Variants in MCC observed in about 807,000 individuals in gnomAD.
MCC encodes MCC regulator of Wnt signaling pathway.
Under a neutral mutation model 116.2 loss-of-function variants are expected in MCC, and 90 were observed. The observed-to-expected ratio is 0.77, with a 90% CI of 0.65 to 0.92. The LOEUF (loss-of-function observed/expected upper bound fraction) is 0.92. Ranked by LOEUF, MCC falls within the 40% of genes least tolerant of loss-of-function variation. The pLI is 0.00. For missense variants in MCC, 1,516 were observed against 1,312.2 expected (o/e 1.16, Z -2.40); for synonymous variants, 578 against 510.5 (o/e 1.13, Z -1.78).
At chr5:113,449,898 T>C (rs1045844008) in intron 1 of MCC, among the ~76,000 whole-genome samples, 2 of 152,256 alleles carry the variant, frequency 1.3e-5, no homozygotes, top group Non-Finnish European at 2.9e-5. Flanking sequence ...TTTATAGTCC[T>C]ATGTAGGTGA....
At chr5:113,089,527 G>A (rs1032652842) in intron 8 of MCC, among the ~76,000 whole-genome samples, 10 of 152,204 alleles carry the variant, frequency 6.6e-5, no homozygotes, top group Admixed American at 4.6e-4. Context: ...TACAGTCAGC[G>A]AAGTGGGAAT....
At chr5:113,341,142 A>C (rs564230294) in intron 2 of MCC, among the ~76,000 whole-genome samples, 1 of 152,238 alleles carries the variant, frequency 6.6e-6, no homozygotes, top group South Asian at 2.1e-4. Flanking sequence ...AACATATGGC[A>C]CTTTATCATG....
chr5:113,053,844 T>C lies in MCC; in HGVS notation c.2329A>G (p.Met777Val), dbSNP rs749208218. Residue 777 changes from methionine (M) to valine (V), a missense_variant, in exon 15 of 19, where the codon ATG becomes GTG. Met to Val is a conservative substitution (Grantham distance 21). Coordinates refer to ENST00000408903, the MANE Select transcript of MCC (RefSeq NM_001085377.2). The part of the protein sequence containing the change: ...KNDRAAVKLT[M>V]LELESIHIDP... ...ATGTGGATGCTTTCCAGCTCCAGCA[T>C]GGTCAGCTTGACCGCAGCCCTGTCA... 1.9e-6 allele frequency: 3 copies of C among 1,614,062 alleles called. No individual in the cohort carries two copies. The highest frequency in any genetic ancestry group is 1.3e-5 in the African/African-American group (1 of 74,924).
chr5:113,318,559 C>T (rs986711477), intron 3 of MCC, among the ~76,000 whole-genome samples: 4 of 152,106 alleles, frequency 2.6e-5, no homozygotes, highest in African/African-American at 9.7e-5. Flanking sequence ...AGGCCATTAC[C>T]CTTAGCAAAC....
chr5:113,045,063 C>G (rs975581773), intron 16 of MCC, among the ~76,000 whole-genome samples: 1 of 152,224 alleles, frequency 6.6e-6, no homozygotes, highest in Non-Finnish European at 1.5e-5. Context: ...CTCAGAGATC[C>G]AAGTCCCCTG....
Position 113,029,061 on chromosome 5 carries a change from A to G in MCC, c.2757-5T>C, listed in dbSNP as rs748112411. The G allele has an allele frequency of 2.5e-6, 4 of 1,606,646 alleles. No individual in the cohort carries two copies. The highest frequency in any genetic ancestry group is 2.2e-5 in the South Asian group (2 of 90,358). On this transcript the variant is annotated splice_polypyrimidine_tract_variant and splice_region_variant and intron_variant, in intron 17 of 18. Transcript: ENST00000408903. Reference sequence around the variant, plus strand: ...CTGGCCTTCAACTTCTTTTCTCTATATTAAAGGAGACAAAATATGCCAGGA... The same window carrying G: ...CTGGCCTTCAACTTCTTTTCTCTATGTTAAAGGAGACAAAATATGCCAGGA...
chr5:113,347,383 TG>T (rs1768160803), intron 2 of MCC, among the ~76,000 whole-genome samples: 1 of 149,900 alleles, frequency 6.7e-6, no homozygotes, highest in African/African-American at 2.5e-5. Flanking sequence ...TTTCTTTTCG[TG>T]TTTTTTTGTT....
intron 17 of MCC, among the ~76,000 whole-genome samples, chr5:113,041,572 G>A (rs978186548): frequency 2.6e-5 from 4 of 152,226 alleles, no homozygotes; most frequent in African/African-American, 9.6e-5. Flanking sequence ...ACGCAGACTA[G>A]AGGGCTGTTA....
chr5:113,337,441 T>C (rs1293345991), intron 3 of MCC, among the ~76,000 whole-genome samples: 7 of 152,176 alleles, frequency 4.6e-5, no homozygotes, highest in Admixed American at 4.6e-4. Flanking sequence ...GGCTGCAGAC[T>C]TTCTTTGAAA....
chr5:113,103,562 C>T (rs897294095), intron 7 of MCC, among the ~76,000 whole-genome samples: 3 of 152,248 alleles, frequency 2.0e-5, no homozygotes, highest in African/African-American at 7.2e-5. Flanking sequence ...TGTGACACCA[C>T]AGTTCTTTTG....
chr5:113,462,776 T>A (rs1023049642), intron 1 of MCC, among the ~76,000 whole-genome samples: 1 of 152,220 alleles, frequency 6.6e-6, no homozygotes, highest in Non-Finnish European at 1.5e-5. Context: ...ACTTCATTGA[T>A]TCTTTCCACA....
chr5:113,056,939 G>C (rs563017113), intron 14 of MCC, among the ~76,000 whole-genome samples: 1 of 152,206 alleles, frequency 6.6e-6, no homozygotes, highest in South Asian at 2.1e-4. Flanking sequence ...ATGAAGCAGG[G>C]AAGAGGCGTG....
chr5:113,148,395 A>G (rs1759653558), intron 4 of MCC, among the ~76,000 whole-genome samples: 1 of 152,238 alleles, frequency 6.6e-6, no homozygotes, highest in Admixed American at 6.5e-5. Flanking sequence ...ATGAGCATAA[A>G]TAAGACACCT....
At chr5:113,429,471 C>T (rs1218191625) in intron 1 of MCC, among the ~76,000 whole-genome samples, 2 of 152,166 alleles carry the variant, frequency 1.3e-5, no homozygotes, top group African/African-American at 2.4e-5. Flanking sequence ...TTTGTTGTGG[C>T]GGCCAGGGCT....
rs370148342 is a variant in MCC at position 113,434,048 on chromosome 5, G to A, written c.171-48836C>T. 1.6e-4 allele frequency: 263 copies of A among 1,613,958 alleles called. No homozygotes were observed. Among genetic ancestry groups the A allele is most frequent in the Middle Eastern group, 4.9e-4 (3 of 6,084 alleles). On this transcript the variant is annotated intron_variant, in intron 1 of 18. Transcript: ENST00000408903. The surrounding 1 kb of genome is among the most constrained non-coding windows in gnomAD (Gnocchi z 4.2). ...GCATCCAGCAGTGGCTGAGGATCTC[G>A]TCGATGTGGAGCCGCCGGTTGACGT...
intron 2 of MCC, among the ~76,000 whole-genome samples, chr5:113,365,696 T>G (rs1467630358): frequency 6.6e-6 from 1 of 152,216 alleles, no homozygotes; most frequent in Non-Finnish European, 1.5e-5. Context: ...GAGGTTTAAC[T>G]GGCTCATGGT....
chr5:113,456,623 ATTTTTTT>A (rs34111159), intron 1 of MCC, among the ~76,000 whole-genome samples: 3 of 51,066 alleles, frequency 5.9e-5, no homozygotes, highest in African/African-American at 7.6e-5. Flanking sequence ...TGCCCAGCTA[ATTTTTTT>A]TTTTTTTTTT....
chr5:113,365,631 T>C (rs1340469796), intron 2 of MCC, among the ~76,000 whole-genome samples: 1 of 152,194 alleles, frequency 6.6e-6, no homozygotes, highest in Non-Finnish European at 1.5e-5. Context: ...CTGTATTAGT[T>C]CATTCTTGCA....
intron 3 of MCC, among the ~76,000 whole-genome samples, chr5:113,198,173 A>G (rs1457779937): frequency 6.6e-6 from 1 of 152,202 alleles, no homozygotes; most frequent in Non-Finnish European, 1.5e-5. Flanking sequence ...AAGGCAGTTC[A>G]GCTTGTTCAT....
Sources: allele counts gnomAD v4.1 joint callset (sites outside exome capture counted in the v4.1 genomes callset), GRCh38; gene constraint gnomAD v4.1.1; non-coding constraint Gnocchi (gnomAD v3.1); transcripts MANE v1.5; gene names NCBI Gene and HGNC (gene_info 2026-07-23, HGNC 2026-07-21).